Variants in NRDC observed in about 807,000 individuals in gnomAD.
The protein encoded by NRDC is nardilysin convertase, also known as nardilysin.
A neutral mutation model predicts 147.1 loss-of-function variants in NRDC; 54 were observed. The observed-to-expected ratio is 0.37, with a 90% CI of 0.29 to 0.46. The LOEUF (loss-of-function observed/expected upper bound fraction) is 0.46, where lower values mean the gene tolerates loss of function less well. Ranked by LOEUF, NRDC falls within the 20% of genes least tolerant of loss-of-function variation. NRDC has a pLI of 1.00. For missense variants in NRDC, 1,082 were observed against 1,370.6 expected (o/e 0.79, Z 3.33); for synonymous variants, 440 against 482.1 (o/e 0.91, Z 1.14).
chr1:51,827,486 C>T (rs932673289), intron 5 of NRDC, among the ~76,000 whole-genome samples: 3 of 152,146 alleles, frequency 2.0e-5, no homozygotes, highest in Non-Finnish European at 2.9e-5. Flanking sequence ...TATAATGAAG[C>T]CTCACCCTAT....
At chr1:51,816,139 A>G (rs1221050947) in intron 11 of NRDC, 173 bp downstream of exon 11, 1 of 366,018 alleles carries the variant, frequency 2.7e-6, no homozygotes, top group African/African-American at 2.1e-5. Flanking sequence ...GAAATACACA[A>G]ATATAATATG....
intron 4 of NRDC, among the ~76,000 whole-genome samples, chr1:51,832,659 G>A (rs1348581917): frequency 4.6e-5 from 7 of 151,836 alleles, no homozygotes; most frequent in Non-Finnish European, 1.0e-4. Flanking sequence ...GTAGACTTTG[G>A]TCTGCAACCC....
intron 1 of NRDC, among the ~76,000 whole-genome samples, chr1:51,844,093 ACT>A (rs775444496): frequency 5.3e-5 from 8 of 151,646 alleles, no homozygotes; most frequent in South Asian, 2.1e-4. Flanking sequence ...TCTCCTCCTA[ACT>A]CTCTGTTTCC....
At chr1:51,866,601 T>G (rs149447240) in intron 1 of NRDC, among the ~76,000 whole-genome samples, 103 of 152,054 alleles carry the variant, frequency 6.8e-4, no homozygotes, top group African/African-American at 2.3e-3. Context: ...ATAATAACGA[T>G]GTATTCATCA....
intron 1 of NRDC, among the ~76,000 whole-genome samples, chr1:51,877,728 C>T (rs114840785): frequency 2.3e-3 from 353 of 152,244 alleles, no homozygotes; most frequent in Middle Eastern, 6.8e-3. Flanking sequence ...TGGACGAGGT[C>T]GCCCAACCGT....
In NRDC at chr1:51,873,479, T is replaced by TTATTTTTA. The variant is rs376349518; in HGVS notation, c.341+4795_341+4796insTAAAAATA. On this transcript the variant is annotated intron_variant, in intron 1 of 30. Coordinates refer to ENST00000352171, the MANE Select transcript of NRDC (RefSeq NM_001101662.2). ...CATTATTTTCTATAATATATGGAAT[T>TTATTTTTA]TTTATTTATTTATTTATTTATTTAT... Among the ~76,000 whole-genome samples the TTATTTTTA allele has an allele frequency of 9.2e-5, 13 of 141,876 alleles. No homozygotes were observed. In the East Asian group the frequency reaches 2.7e-3, roughly 29 times the overall value. 93.1% of individuals were successfully genotyped at this position (141,876 alleles called of 152,430 possible). A position where few individuals can be genotyped will look rare whatever the true frequency, so the allele number is the denominator to read the frequency against.
intron 15 of NRDC, among the ~76,000 whole-genome samples, chr1:51,811,205 T>G (rs11800063): frequency 0.018 from 2,713 of 152,320 alleles, 79 homozygotes; most frequent in African/African-American, 0.063. Context: ...CCTGTCCTCT[T>G]TAAAATTAAT....
At chr1:51,854,364 T>C (rs1443590189) in intron 1 of NRDC, among the ~76,000 whole-genome samples, 1 of 152,040 alleles carries the variant, frequency 6.6e-6, no homozygotes, top group African/African-American at 2.4e-5. Flanking sequence ...CAAGATGCCA[T>C]CTCAAAAAAA....
At chr1:51,833,249 C>T (rs1680797711) in intron 4 of NRDC, among the ~76,000 whole-genome samples, 1 of 151,856 alleles carries the variant, frequency 6.6e-6, no homozygotes, top group Non-Finnish European at 1.5e-5. Flanking sequence ...TCACTTGAGG[C>T]CAGGAGTTTG....
chr1:51,791,679 A>G lies in NRDC; in HGVS notation c.2877-18T>C, dbSNP rs17106768. 2.1e-4 allele frequency: 326 copies of G among 1,588,570 alleles called. No individual in the cohort carries two copies. In the African/African-American group the frequency reaches 3.7e-3, roughly 18 times the overall value. ...CATGGTACCTACAAGCCAGAGAGAA[A>G]AGTTATATGAGCTCAGGTGATCATC... On this transcript the variant is annotated intron_variant, in intron 26 of 30. Transcript: ENST00000352171.
In NRDC at chr1:51,800,444, AAC is replaced by A. The variant is rs1571844900; in HGVS notation, c.2441+110_2441+111del. On this transcript the variant is annotated intron_variant, in intron 21 of 30. Transcript: ENST00000352171. ...GTCTCCTAAACTAGAGCACGATTCAAACACGGATGAAAATTAGCACTGCAACT... is the reference window on the plus strand; with the variant it reads ...GTCTCCTAAACTAGAGCACGATTCAAACGGATGAAAATTAGCACTGCAACT... The A allele has an allele frequency of 7.3e-6, 9 of 1,234,882 alleles. No individual in the cohort carries two copies. The South Asian group carries it at 8.7e-5, about 12-fold the overall frequency. The allele number at this position is 1,234,882 out of a possible 1,614,324, so 76.5% of individuals were successfully genotyped here. A position where few individuals can be genotyped will look rare whatever the true frequency, so the allele number is the denominator to read the frequency against.
chr1:51,791,977 C>G, intron 26 of NRDC, 69 bp downstream of exon 26: 1 of 1,514,502 alleles, frequency 6.6e-7, no homozygotes, highest in African/African-American at 1.4e-5. Context: ...GTAGGGATAT[C>G]TGATGAACAG....
intron 3 of NRDC, among the ~76,000 whole-genome samples, chr1:51,835,272 G>C (rs930912395): frequency 4.6e-5 from 7 of 151,908 alleles, no homozygotes; most frequent in African/African-American, 1.7e-4. Context: ...TGTTGGCCAG[G>C]CTGGTCTCGA....
At chr1:51,810,470 G>A (rs892948904) in intron 15 of NRDC, 66 bp from the exon 16 acceptor site, 9 of 1,431,294 alleles carry the variant, frequency 6.3e-6, no homozygotes, top group Admixed American at 2.2e-5. Context: ...CTGTTAAAAA[G>A]GCAAAAATCA....
intron 1 of NRDC, among the ~76,000 whole-genome samples, chr1:51,842,524 A>C (rs1249914554): frequency 6.6e-6 from 1 of 152,096 alleles, no homozygotes; most frequent in East Asian, 1.9e-4. Flanking sequence ...GAATAAAAAA[A>C]CTGTGGTATA....
chr1:51,809,324 T>C lies in NRDC; in HGVS notation c.1981A>G (p.Lys661Glu). ...TTGCTATTTTACTGACCTATGTACT[T>C]GTTTTCAGCTGGAAGATGAAGATCT... ...NPDLHLPAEN[K>E]YIATDFTLKA... The change falls in exon 17 of 31, where the codon AAG (lysine) becomes GAG (glutamate). Residue 661 changes from lysine (K) to glutamate (E), a missense_variant. Transcript: ENST00000352171. The C allele has an allele frequency of 6.2e-7, 1 of 1,612,884 alleles. No individual in the cohort carries two copies. The highest frequency in any genetic ancestry group is 1.3e-5 in the African/African-American group (1 of 75,034).
In NRDC at chr1:51,855,019, G is replaced by C. The variant is rs375793268; in HGVS notation, c.342-14505C>G. 1.2e-3 allele frequency among the ~76,000 whole-genome samples: 178 copies of C among 152,298 alleles called. 1 individual carries two copies. The highest frequency in any genetic ancestry group is 4.2e-3 in the African/African-American group (175 of 41,554). On this transcript the variant is annotated intron_variant, in intron 1 of 30. Transcript: ENST00000352171. Reference sequence around the variant, plus strand: ...GCCAGTGCTAACATTCTTTTCTGCTGATCTCAAATTTTTAGAAAAAGCTTT... The same window carrying C: ...GCCAGTGCTAACATTCTTTTCTGCTCATCTCAAATTTTTAGAAAAAGCTTT...
chr1:51,791,959 G>A (rs1386556292), intron 26 of NRDC, 87 bp downstream of exon 26: 40 of 1,360,414 alleles, frequency 2.9e-5, no homozygotes, highest in Non-Finnish European at 4.1e-5. Flanking sequence ...GCTCTAACAG[G>A]CTGCTCAGTA....
At position 51,789,289 on chromosome 1, in the gene NRDC, T is replaced by TGATA. The variant is rs1678436916; in HGVS notation, c.3399_3402dup (p.Arg1135TyrfsTer15). 1 of 1,614,068 alleles carries TGATA rather than the reference T, an allele frequency of 6.2e-7. No homozygotes were observed. The highest frequency in any genetic ancestry group is 8.5e-7 in the Non-Finnish European group (1 of 1,180,016). On this transcript the variant is annotated frameshift_variant, in exon 31 of 31. Transcript: ENST00000352171. LOFTEE classifies it high-confidence loss of function. ...AGGTTGAGTGTTGTTGTGAAAGCCC[T>TGATA]GATATCAGTAATGGGGATGATACAA...
Sources: allele counts gnomAD v4.1 joint callset (sites outside exome capture counted in the v4.1 genomes callset), GRCh38; gene constraint gnomAD v4.1.1; transcripts MANE v1.5; gene names NCBI Gene and HGNC (gene_info 2026-07-23, HGNC 2026-07-21).